DIAPH3: variants seen among roughly 807,000 people sequenced by gnomAD.
DIAPH3 encodes protein diaphanous homolog 3.
A neutral mutation model predicts 144.3 loss-of-function variants in DIAPH3; 117 were observed. The ratio of observed to expected loss-of-function variants is 0.81; its 90% CI spans 0.70 to 0.95. DIAPH3 has a LOEUF of 0.95. Ranked by LOEUF, DIAPH3 falls within the 40% of genes least tolerant of loss-of-function variation. DIAPH3 has a pLI of 0.00. For missense variants in DIAPH3, 1,421 were observed against 1,412.7 expected (o/e 1.01, Z -0.09); for synonymous variants, 519 against 488.9 (o/e 1.06, Z -0.81).
chr13:59,811,716 G>A (rs1281001257), intron 24 of DIAPH3, among the ~76,000 whole-genome samples: 2 of 127,358 alleles, frequency 1.6e-5, no homozygotes, highest in Non-Finnish European at 3.1e-5. Context: ...CAGCCTGGGC[G>A]ACAGAGCAAG....
intron 1 of DIAPH3, among the ~76,000 whole-genome samples, 186 bp downstream of exon 1, chr13:60,163,401 C>A (rs1952393007): frequency 6.6e-6 from 1 of 152,342 alleles, no homozygotes; most frequent in Middle Eastern, 3.4e-3. Context: ...GGGGGCAACA[C>A]AAAGATCTGG....
intron 12 of DIAPH3, among the ~76,000 whole-genome samples, chr13:59,988,274 C>T (rs1310300096): frequency 6.6e-6 from 1 of 151,786 alleles, no homozygotes; most frequent in Non-Finnish European, 1.5e-5. Context: ...AATATTTCTG[C>T]CATAATAACC....
At chr13:59,942,682 C>T (rs2048593658) in intron 17 of DIAPH3, among the ~76,000 whole-genome samples, 1 of 152,046 alleles carries the variant, frequency 6.6e-6, no homozygotes, top group Admixed American at 6.6e-5. Context: ...TGAAAGGCTA[C>T]ACATATAAGT....
At chr13:60,097,876 A>C (rs1466022986) in intron 3 of DIAPH3, among the ~76,000 whole-genome samples, 1 of 152,120 alleles carries the variant, frequency 6.6e-6, no homozygotes, top group African/African-American at 2.4e-5. Context: ...ATATATTTTG[A>C]ATTTCTATTT....
intron 4 of DIAPH3, among the ~76,000 whole-genome samples, chr13:60,080,428 G>A (rs573998850): frequency 6.6e-6 from 1 of 151,786 alleles, no homozygotes; most frequent in South Asian, 2.1e-4. Flanking sequence ...ACTTAATCTC[G>A]TTATAGTTTG....
chr13:59,967,053 GTTTTTGTT>G (rs770123354), intron 17 of DIAPH3, among the ~76,000 whole-genome samples: 17 of 151,688 alleles, frequency 1.1e-4, no homozygotes, highest in Admixed American at 3.3e-4. Flanking sequence ...GGGTTTGCCT[GTTTTTGTT>G]TTTTTGTTTT....
chr13:59,806,828 C>A (rs1309201532), intron 25 of DIAPH3, among the ~76,000 whole-genome samples: 1 of 151,656 alleles, frequency 6.6e-6, no homozygotes, highest in Non-Finnish European at 1.5e-5. Flanking sequence ...TATAATAGTA[C>A]AATGTCTTTA....
chr13:59,707,482 A>G (rs760112678), intron 27 of DIAPH3, among the ~76,000 whole-genome samples: 1 of 152,208 alleles, frequency 6.6e-6, no homozygotes, highest in Non-Finnish European at 1.5e-5. Context: ...GAAAGTTAAA[A>G]TTGGGTGAAC....
chr13:60,000,824 C>A (rs1017439308), intron 9 of DIAPH3, among the ~76,000 whole-genome samples: 3 of 152,078 alleles, frequency 2.0e-5, no homozygotes, highest in African/African-American at 7.2e-5. Flanking sequence ...CAGTAACTAA[C>A]ATAGGGAAAA....
intron 17 of DIAPH3, among the ~76,000 whole-genome samples, chr13:59,968,321 T>C (rs960484962): frequency 2.0e-5 from 3 of 152,206 alleles, no homozygotes; most frequent in Non-Finnish European, 2.9e-5. Context: ...AGTTTTTAGG[T>C]ACCACCATTT....
chr13:59,851,635 C>CTTTTTT (rs200870976), intron 22 of DIAPH3, among the ~76,000 whole-genome samples: 3 of 112,388 alleles, frequency 2.7e-5, no homozygotes, highest in Non-Finnish European at 3.7e-5. Context: ...ATAGATGAAT[C>CTTTTTT]TTTTTTTTTT....
At chr13:60,003,866 C>T (rs2052686799) in intron 9 of DIAPH3, among the ~76,000 whole-genome samples, 1 of 152,136 alleles carries the variant, frequency 6.6e-6, no homozygotes, top group Non-Finnish European at 1.5e-5. Flanking sequence ...AGACGTGGGC[C>T]ACCACGCACG....
chr13:60,054,248 T>A (rs2056472654), intron 4 of DIAPH3, among the ~76,000 whole-genome samples: 1 of 152,042 alleles, frequency 6.6e-6, no homozygotes, highest in Non-Finnish European at 1.5e-5. Context: ...ATTAAAATAT[T>A]AAGATATCAG....
intron 23 of DIAPH3, 47 bp from the exon 24 acceptor site, chr13:59,833,318 G>T (rs191501059): frequency 1.3e-4 from 185 of 1,467,000 alleles, no homozygotes; most frequent in Middle Eastern, 6.5e-4. Context: ...TAATGCTTTG[G>T]GGGCAGGGGG....
chr13:59,680,535 T>A (rs916633529), intron 27 of DIAPH3, among the ~76,000 whole-genome samples: 3 of 151,854 alleles, frequency 2.0e-5, no homozygotes, highest in African/African-American at 7.3e-5. Context: ...AACCCTGTTA[T>A]TAGGATCTAA....
At chr13:59,811,280 A>G (rs973245439) in intron 24 of DIAPH3, among the ~76,000 whole-genome samples, 6 of 152,208 alleles carry the variant, frequency 3.9e-5, no homozygotes, top group African/African-American at 1.2e-4. Context: ...TAGCAACTGA[A>G]TTAGGGTTTT....
At chr13:59,784,808 C>T (rs1250844457) in intron 25 of DIAPH3, among the ~76,000 whole-genome samples, 1 of 152,014 alleles carries the variant, frequency 6.6e-6, no homozygotes, top group Non-Finnish European at 1.5e-5. Flanking sequence ...AATTCATAGG[C>T]TTATAGTTTA....
chr13:59,935,825 T>G (rs1426671766), intron 17 of DIAPH3, among the ~76,000 whole-genome samples: 1 of 152,174 alleles, frequency 6.6e-6, no homozygotes, highest in Non-Finnish European at 1.5e-5. Flanking sequence ...GATATTTTAC[T>G]AGCAAAAAGA....
chr13:59,847,964 T>C (rs570467991), intron 22 of DIAPH3, among the ~76,000 whole-genome samples: 9 of 152,338 alleles, frequency 5.9e-5, no homozygotes, highest in African/African-American at 2.2e-4. Flanking sequence ...GACTTGCCCC[T>C]ACATCGCAGT....
Sources: gnomAD v4.1 joint callset for allele counts (sites outside exome capture counted in the v4.1 genomes callset) on GRCh38, gnomAD v4.1.1 for gene constraint, MANE v1.5 for transcripts, NCBI Gene and HGNC (gene_info 2026-07-23, HGNC 2026-07-21) for gene names.